Variants in ENTREP2 observed in about 807,000 individuals in gnomAD.
The protein encoded by ENTREP2 is endosomal transmembrane epsin interactor 2.
chr15:29,454,321 T>A, the ENTREP2 span, among the ~76,000 whole-genome samples: 1 of 152,362 alleles, frequency 6.6e-6, no homozygotes, highest in South Asian at 2.1e-4. Context: ...GCTTTTAGTA[T>A]AATAGGGATG....
the ENTREP2 span, among the ~76,000 whole-genome samples, chr15:29,490,529 C>T: frequency 1.3e-5 from 2 of 152,136 alleles, no homozygotes; most frequent in African/African-American, 4.8e-5. Context: ...CTGATTGGTC[C>T]GTTTTACAGA....
the ENTREP2 span, among the ~76,000 whole-genome samples, chr15:29,278,141 C>A: frequency 6.6e-6 from 1 of 151,462 alleles, no homozygotes; most frequent in East Asian, 2.0e-4. Flanking sequence ...GCAGCTCCCT[C>A]CCTTGGACTA....
the ENTREP2 span, chr15:29,269,735 C>A: frequency 1.4e-6 from 2 of 1,461,428 alleles, no homozygotes; most frequent in East Asian, 2.8e-5. Flanking sequence ...GGCGCACACT[C>A]CGGTAGGCAA....
chr15:29,252,232 C>G, the ENTREP2 span: 316 of 524,852 alleles, frequency 6.0e-4, no homozygotes, highest in Non-Finnish European at 9.9e-4. Flanking sequence ...CCTAAATACC[C>G]TAAACTAGAA....
the ENTREP2 span, among the ~76,000 whole-genome samples, chr15:29,133,803 G>A: frequency 6.6e-6 from 1 of 152,136 alleles, no homozygotes; most frequent in Non-Finnish European, 1.5e-5. Flanking sequence ...ATGAACTACA[G>A]CTCCTGTCAT....
chr15:29,174,149 T>C, the ENTREP2 span, among the ~76,000 whole-genome samples: 1 of 152,226 alleles, frequency 6.6e-6, no homozygotes, highest in African/African-American at 2.4e-5. Flanking sequence ...ATGTGACTTG[T>C]TTCCAGGTAT....
the ENTREP2 span, among the ~76,000 whole-genome samples, chr15:29,316,473 A>T: frequency 2.0e-5 from 3 of 152,358 alleles, no homozygotes; most frequent in Admixed American, 6.5e-5. Flanking sequence ...AGTTGTGATC[A>T]CGGCATTGTG....
At chr15:29,658,665 ACTC>A in the ENTREP2 span, among the ~76,000 whole-genome samples, 1 of 138,620 alleles carries the variant, frequency 7.2e-6, no homozygotes, top group African/African-American at 2.6e-5. Flanking sequence ...AAAACAATCT[ACTC>A]AATACAACAC....
At chr15:29,196,387 C>T in the ENTREP2 span, 5 of 1,542,370 alleles carry the variant, frequency 3.2e-6, no homozygotes, top group Admixed American at 2.0e-5. Context: ...GTCTGTAAGG[C>T]ATGGAATGAA....
chr15:29,338,789 A>C, the ENTREP2 span, among the ~76,000 whole-genome samples: 1 of 152,210 alleles, frequency 6.6e-6, no homozygotes, highest in Non-Finnish European at 1.5e-5. Context: ...TTTTAATTGC[A>C]AAGTAAGGTT....
chr15:29,390,438 T>C, the ENTREP2 span, among the ~76,000 whole-genome samples: 2 of 151,814 alleles, frequency 1.3e-5, no homozygotes, highest in Admixed American at 1.3e-4. Context: ...AAAAGCCAAA[T>C]AGATTGGAAA....
the ENTREP2 span, among the ~76,000 whole-genome samples, chr15:29,557,073 G>A: frequency 6.6e-6 from 1 of 152,212 alleles, no homozygotes; most frequent in Non-Finnish European, 1.5e-5. Context: ...AAAGAACACA[G>A]ATGTAAAAGA....
At chr15:29,196,686 T>C in the ENTREP2 span, 3 of 1,101,364 alleles carry the variant, frequency 2.7e-6, no homozygotes, top group Non-Finnish European at 3.7e-6. Flanking sequence ...TGTTTCAGTG[T>C]GTTTAAGTAG....
chr15:29,426,767 A>C, the ENTREP2 span, among the ~76,000 whole-genome samples: 2 of 152,094 alleles, frequency 1.3e-5, no homozygotes, highest in Non-Finnish European at 2.9e-5. Context: ...TCTCTGTTTC[A>C]CTGTGTGCCA....
the ENTREP2 span, among the ~76,000 whole-genome samples, chr15:29,140,077 G>A: frequency 2.6e-5 from 4 of 152,144 alleles, no homozygotes; most frequent in African/African-American, 7.2e-5. Flanking sequence ...TCTGTTCCCC[G>A]GCTTTGCGGG....
At chr15:29,546,114 T>TA in the ENTREP2 span, among the ~76,000 whole-genome samples, 11 of 152,210 alleles carry the variant, frequency 7.2e-5, no homozygotes, top group African/African-American at 2.7e-4. Context: ...AGACTTCTGA[T>TA]ATGACACATT....
chr15:29,491,615 A>C, the ENTREP2 span, among the ~76,000 whole-genome samples: 6,156 of 152,100 alleles, frequency 0.04, 399 homozygotes, highest in African/African-American at 0.14. Flanking sequence ...AGGAAGTTTC[A>C]CACAGTAGCT....
the ENTREP2 span, among the ~76,000 whole-genome samples, chr15:29,597,829 G>C: frequency 6.6e-6 from 1 of 151,760 alleles, no homozygotes; most frequent in East Asian, 2.0e-4. Context: ...CTGATAGTAA[G>C]ACTATGTTTA....
At chr15:29,316,652 T>C in the ENTREP2 span, among the ~76,000 whole-genome samples, 6 of 152,202 alleles carry the variant, frequency 3.9e-5, no homozygotes, top group Non-Finnish European at 5.9e-5. Flanking sequence ...CTGGCAGCTA[T>C]AGCTGAGTAA....
Sources: allele counts gnomAD v4.1 joint callset (sites outside exome capture counted in the v4.1 genomes callset), GRCh38; gene constraint gnomAD v4.1.1; transcripts MANE v1.5; gene names NCBI Gene and HGNC (gene_info 2026-07-23, HGNC 2026-07-21).